Variants in CNGA4 observed in about 807,000 individuals in gnomAD.
CNGA4 encodes the protein cyclic nucleotide gated channel subunit alpha 4.
A neutral mutation model predicts 45.6 loss-of-function variants in CNGA4; 32 were observed. The ratio of observed to expected loss-of-function variants is 0.70; its 90% confidence interval spans 0.53 to 0.94. CNGA4 has a LOEUF of 0.94. Among genes scored for constraint, CNGA4 ranks in the 40% least tolerant of loss-of-function variants. The pLI is 0.00. For synonymous variants in CNGA4, 293 were observed against 304.6 expected, an observed-to-expected ratio of 0.96 and a Z score of 0.40; for missense variants, 726 against 755.1, an observed-to-expected ratio of 0.96 and a Z score of 0.45.
At chr11:6,244,520 A>T (rs1847965975), downstream of CNGA4, 2 of 990,348 alleles carry the variant, frequency 2.0e-6, no homozygotes, top group East Asian at 3.3e-5. The surrounding 1 kb of genome is among the most constrained non-coding windows in gnomAD (Gnocchi z 4.5). Flanking sequence ...ACAGGAGCGA[A>T]TTGGTCTGTA....
Position 6,240,018 on chromosome 11 carries a change from C to T in CNGA4, c.272-48C>T. The T allele has an allele frequency of 6.4e-7, 1 of 1,565,156 alleles. No individual in the cohort carries two copies. On this transcript the variant is annotated intron_variant, in intron 3 of 5. Coordinates refer to ENST00000379936, the MANE Select transcript of CNGA4 (RefSeq NM_001037329.4). This position sits in a 1 kb window ranked among gnomAD's most constrained non-coding sequence, Gnocchi z 4.9. ...TGCCCTGGGCAGCTCATGCTCAGCC[C>T]AAGCTTGACTACAGCAGGTCCGCTT...
intron 2 of CNGA4, 71 bp from the exon 3 acceptor site, chr11:6,239,611 TTA>T: frequency 6.4e-7 from 1 of 1,567,482 alleles, no homozygotes; most frequent in Non-Finnish European, 8.8e-7. Context: ...AGGCAGAGGG[TTA>T]AGGGCCCTGG....
At chr11:6,241,347 T>A in intron 4 of CNGA4, 84 bp from the exon 5 acceptor site, 1 of 1,104,066 alleles carries the variant, frequency 9.1e-7, no homozygotes, top group Non-Finnish European at 1.3e-6. Flanking sequence ...GATTCTTGGC[T>A]GGAGCTGAGC....
rs372154258 is a variant in CNGA4, at chr11:6,241,640, G to A, written c.1127G>A (p.Cys376Tyr). 1 of 1,614,110 alleles carries A rather than the reference G, an allele frequency of 6.2e-7. No individual in the cohort carries two copies. Among genetic ancestry groups the A allele is most frequent in the African/African-American group, 1.3e-5 (1 of 74,934 alleles). ...PQTYSPGEYVCRKGDIGQEMY... is the reference protein window; with the variant it reads ...PQTYSPGEYVYRKGDIGQEMY... ...ACCTACTCACCAGGTGAATATGTAT[G>A]CCGCAAAGGAGACATTGGCCAAGAG... is the stretch of plus-strand genomic sequence containing the variant. Residue 376 changes from cysteine (C) to tyrosine (Y), a missense_variant, in exon 5 of 6, where the codon TGC (cysteine) becomes TAC (tyrosine). Transcript: ENST00000379936.
chr11:6,241,987 C>G lies in CNGA4; in HGVS notation c.1267+207C>G, dbSNP rs904092356. The G allele has an allele frequency of 1.2e-5, 7 of 594,698 alleles. No homozygotes were observed. In the African/African-American group the frequency reaches 1.3e-4, roughly 11 times the overall value. 36.8% of individuals were successfully genotyped at this position (594,698 alleles called of 1,614,324 possible). A position where few individuals can be genotyped will look rare whatever the true frequency, so the allele number is the denominator to read the frequency against. On this transcript the variant is annotated intron_variant, in intron 5 of 5. Transcript: ENST00000379936. ...AAGAAGCTGAGCCAAGGCCAGTGAA[C>G]AGGGTGGGTTCGTGGAAGAGAGAGT...
At position 6,239,707 on chromosome 11, in the gene CNGA4, A is replaced by G; in HGVS notation, c.188A>G (p.His63Arg). 1 of 1,614,124 alleles carries G rather than the reference A, an allele frequency of 6.2e-7. No individual in the cohort carries two copies. Among genetic ancestry groups the G allele is most frequent in the Non-Finnish European group, 8.5e-7 (1 of 1,179,998 alleles). The change falls in exon 3 of 6, where the codon CAC becomes CGC. Residue 63 changes from histidine to arginine, a missense_variant. His to Arg is a conservative substitution (Grantham distance 29). Transcript: ENST00000379936. ...AGAGCCTGCTTCCCCGACTTGCAGCACGGTTATCTGGTGGCCTGGTTGGTG... is the reference window on the plus strand; with the variant it reads ...AGAGCCTGCTTCCCCGACTTGCAGCGCGGTTATCTGGTGGCCTGGTTGGTG... The part of the protein sequence containing the change: ...VCRACFPDLQ[H>R]GYLVAWLVLD...
At chr11:6,241,843 C>G (rs750528481) in intron 5 of CNGA4, 63 bp downstream of exon 5, 7 of 1,466,832 alleles carry the variant, frequency 4.8e-6, no homozygotes, top group Non-Finnish European at 5.7e-6. Context: ...ACAGCAGAGC[C>G]CAGTGCTGGG....
At chr11:6,237,651 G>C (rs1379313558), upstream of CNGA4, among the ~76,000 whole-genome samples, 1 of 151,994 alleles carries the variant, frequency 6.6e-6, no homozygotes, top group Admixed American at 6.6e-5. Context: ...CATTACAAAG[G>C]ATTTTATTCA....
rs750898164 is a variant in CNGA4 at position 6,244,248 on chromosome 11, C to A, written c.1567C>A (p.Leu523Ile). 5.0e-6 allele frequency: 8 copies of A among 1,614,062 alleles called. 1 individual carries two copies. The South Asian group carries it at 7.7e-5, about 16-fold the overall frequency. Reference sequence around the variant, plus strand: ...CCTGGCTGAGCTGGAGTCCAGCGCACTTAAGATTGCTTACCGCATTGAACG... The same window carrying A: ...CCTGGCTGAGCTGGAGTCCAGCGCAATTAAGATTGCTTACCGCATTGAACG... ...RLLAELESSA[L>I]KIAYRIERLE... Residue 523 changes from leucine to isoleucine, a missense_variant, in exon 6 of 6, where the codon CTT becomes ATT. By Grantham distance (5) the Leu-to-Ile change is conservative. Transcript: ENST00000379936. This position sits in a 1 kb window ranked among gnomAD's most constrained non-coding sequence, Gnocchi z 4.5.
intron 3 of CNGA4, 130 bp downstream of exon 3, chr11:6,239,920 A>G (rs1490190400): frequency 2.3e-5 from 31 of 1,343,050 alleles, no homozygotes; most frequent in Non-Finnish European, 3.2e-5. Flanking sequence ...ACAGCATCCC[A>G]GTGCTCACCC....
downstream of CNGA4, among the ~76,000 whole-genome samples, chr11:6,244,831 T>G (rs534427812): frequency 6.6e-6 from 1 of 152,318 alleles, no homozygotes; most frequent in South Asian, 2.1e-4. The surrounding 1 kb of genome is among the most constrained non-coding windows in gnomAD (Gnocchi z 4.5). Context: ...CAGATGCCCT[T>G]CACAGGTGTG....
At chr11:6,236,639 G>A (rs969149640), upstream of CNGA4, among the ~76,000 whole-genome samples, 1 of 152,316 alleles carries the variant, frequency 6.6e-6, no homozygotes, top group South Asian at 2.1e-4. Flanking sequence ...GCAGAGTGGG[G>A]CTCCTGAGGC....
Position 6,240,471 on chromosome 11 carries a change from C to G in CNGA4, c.677C>G (p.Thr226Arg), listed in dbSNP as rs117364457. The G allele has an allele frequency of 1.4e-5, 22 of 1,614,112 alleles. No homozygotes were observed. The highest frequency in any genetic ancestry group is 1.7e-5 in the Non-Finnish European group (20 of 1,180,050). Residue 226 changes from threonine to arginine, a missense_variant, in exon 4 of 6, where the codon ACG (threonine) becomes AGG (arginine). Physicochemically the swap from Thr to Arg is moderately conservative, Grantham distance 71 (BLOSUM62 -1). Transcript: ENST00000379936. The surrounding 1 kb of genome is among the most constrained non-coding windows in gnomAD (Gnocchi z 4.9). ...TACCTCTATAGCTTTTACTTCTCCACGCTGATACTGACTACAGTGGGCGAT... is the reference window on the plus strand; with the variant it reads ...TACCTCTATAGCTTTTACTTCTCCAGGCTGATACTGACTACAGTGGGCGAT... ...RQYLYSFYFS[T>R]LILTTVGDTP...
Position 6,243,913 on chromosome 11 carries a change from A to G in CNGA4, c.1268-36A>G, listed in dbSNP as rs374367145. 36 of 1,590,208 alleles carry G rather than the reference A, an allele frequency of 2.3e-5. No homozygotes were observed. The African/African-American group carries it at 3.8e-4, about 17-fold the overall frequency. ...TGAAATGCCACCTCCTCACCCTCCT[A>G]CTAACTGTCCTCCCATCTCTGCCCA... On this transcript the variant is annotated intron_variant, in intron 5 of 5. Coordinates refer to ENST00000379936, the MANE Select transcript of CNGA4 (RefSeq NM_001037329.4).
Position 6,239,788 on chromosome 11 carries a change from C to A in CNGA4, c.269C>A (p.Thr90Lys). The A allele has an allele frequency of 6.2e-7, 1 of 1,612,660 alleles. No homozygotes were observed. Among genetic ancestry groups the A allele is most frequent in the Non-Finnish European group, 8.5e-7 (1 of 1,179,022 alleles). The change falls in exon 3 of 6, where the codon ACA becomes AAA. Residue 90 changes from threonine to lysine, a missense_variant and splice_region_variant. Coordinates refer to ENST00000379936, the MANE Select transcript of CNGA4 (RefSeq NM_001037329.4). Reference sequence around the variant, plus strand: ...CTAGACATGGTGGTGCGCTTCCACACAGGTCAGTGGGCTTCTAGGAATGAC... The same window carrying A: ...CTAGACATGGTGGTGCGCTTCCACAAAGGTCAGTGGGCTTCTAGGAATGAC... ...YLLDMVVRFH[T>K]GFLEQGILVV... is the part of the protein sequence containing the mutation.
intron 5 of CNGA4, 82 bp downstream of exon 5, chr11:6,241,862 G>A (rs770279709): frequency 7.8e-7 from 1 of 1,284,308 alleles, no homozygotes. Flanking sequence ...GGACCAGATA[G>A]TACTTCAGGC....
rs1225418548 is a variant in CNGA4, at chr11:6,240,468, C to T, written c.674C>T (p.Ser225Phe). 6.2e-7 allele frequency: 1 copy of T among 1,614,216 alleles called. No individual in the cohort carries two copies. The highest frequency in any genetic ancestry group is 2.2e-5 in the East Asian group (1 of 44,882). ...CAGTACCTCTATAGCTTTTACTTCT[C>T]CACGCTGATACTGACTACAGTGGGC... ...RRQYLYSFYF[S>F]TLILTTVGDT... Residue 225 changes from serine (S) to phenylalanine (F), a missense_variant, in exon 4 of 6, where the codon TCC becomes TTC. Ser to Phe is a radical substitution (Grantham distance 155, BLOSUM62 -2). Coordinates refer to ENST00000379936, the MANE Select transcript of CNGA4 (RefSeq NM_001037329.4). This position sits in a 1 kb window ranked among gnomAD's most constrained non-coding sequence, Gnocchi z 4.9.
At chr11:6,239,978 A>ACAGT in intron 3 of CNGA4, 88 bp from the exon 4 acceptor site, 1 of 1,501,004 alleles carries the variant, frequency 6.7e-7, no homozygotes, top group Non-Finnish European at 9.0e-7. Context: ...TGTCCTTCAG[A>ACAGT]CAGTCTCCCT....
rs762221594 is a variant in CNGA4, at chr11:6,240,368, CG to C, written c.576del (p.Tyr193ThrfsTer35). 3 of 1,614,228 alleles carry C rather than the reference CG, an allele frequency of 1.9e-6. No individual in the cohort carries two copies. In the Admixed American group the frequency reaches 5.0e-5, roughly 27 times the overall value. Reference protein sequence around the residue: ...WNSCLYFALSRYLGFGRDAWV... With the variant: ...WNSCLYFALSXYLGFGRDAWV... ...CAGCTGCCTATACTTTGCCCTATCC[CG>C]GTACCTGGGCTTCGGGCGTGACGCA... On this transcript the variant is annotated frameshift_variant, in exon 4 of 6. Coordinates refer to ENST00000379936, the MANE Select transcript of CNGA4 (RefSeq NM_001037329.4). LOFTEE classifies it high-confidence loss of function. This position sits in a 1 kb window ranked among gnomAD's most constrained non-coding sequence, Gnocchi z 4.9.
Sources: allele counts gnomAD v4.1 joint callset (sites outside exome capture counted in the v4.1 genomes callset), GRCh38; gene constraint gnomAD v4.1.1; non-coding constraint Gnocchi (gnomAD v3.1); transcripts MANE v1.5; gene names NCBI Gene and HGNC (gene_info 2026-07-23, HGNC 2026-07-21).